Variants in SNTG1 observed in about 807,000 individuals in gnomAD.
SNTG1 encodes gamma-1-syntrophin.
SNTG1 carries 39 observed loss-of-function variants against 74.7 expected under a neutral mutation model. The ratio of observed to expected loss-of-function variants is 0.52; its 90% CI spans 0.40 to 0.68. SNTG1 has a LOEUF of 0.68. Ranked by LOEUF, SNTG1 falls within the 30% of genes least tolerant of loss-of-function variation. The probability of loss-of-function intolerance (pLI) is 0.00; values close to 1 mark genes in which losing one functional copy is unlikely to be tolerated. For missense variants in SNTG1, 685 were observed against 609.5 expected, an observed-to-expected ratio of 1.12 and a Z score of -1.30; for synonymous variants, 254 against 217.1, an observed-to-expected ratio of 1.17 and a Z score of -1.49.
At chr8:50,127,722 A>G (rs1374101828) in intron 1 of SNTG1, among the ~76,000 whole-genome samples, 2 of 152,212 alleles carry the variant, frequency 1.3e-5, no homozygotes, top group Non-Finnish European at 2.9e-5. Context: ...AACAGGATAT[A>G]TTTCCAAAGT....
chr8:50,690,583 T>C (rs1303277521), intron 15 of SNTG1, among the ~76,000 whole-genome samples: 1 of 152,212 alleles, frequency 6.6e-6, no homozygotes, highest in East Asian at 1.9e-4. Flanking sequence ...AATCCTGAGT[T>C]CTAGTTTGAT....
intron 2 of SNTG1, among the ~76,000 whole-genome samples, chr8:50,219,019 A>C (rs2084928353): frequency 6.6e-6 from 1 of 152,206 alleles, no homozygotes; most frequent in African/African-American, 2.4e-5. Flanking sequence ...GGAATCTCCC[A>C]CAGAAACAAT....
In SNTG1 at chr8:50,758,393, C is replaced by G. The variant is rs547696526; in HGVS notation, c.1395+6282C>G. Reference sequence around the variant, plus strand: ...TGTGCAGGTTTGTTATATAGGTATACACGTGCCATGGTGGTTTGCTGCATC... The same window carrying G: ...TGTGCAGGTTTGTTATATAGGTATAGACGTGCCATGGTGGTTTGCTGCATC... On this transcript the variant is annotated intron_variant, in intron 18 of 18. Coordinates refer to ENST00000642720, the MANE Select transcript of SNTG1 (RefSeq NM_018967.5). 2.3e-3 allele frequency among the ~76,000 whole-genome samples: 343 copies of G among 152,004 alleles called. 1 individual carries two copies. The highest frequency in any genetic ancestry group is 7.9e-3 in the African/African-American group (330 of 41,510).
chr8:49,911,684 C>T lies in SNTG1; in HGVS notation c.-650C>T, dbSNP rs578124743. On this transcript the variant is annotated 5_prime_UTR_variant, in exon 1 of 19. Transcript: ENST00000642720. ...ACCTGGACCTGCGCTTAGGGGCTCC[C>T]GTCCCCTTACTTCAGCACCAGAGGG... 2 of 152,418 alleles carry T rather than the reference C, an allele frequency of 1.3e-5. No individual in the cohort carries two copies. The highest frequency in any genetic ancestry group is 4.8e-5 in the African/African-American group (2 of 41,566). 9.4% of individuals were successfully genotyped at this position (152,418 alleles called of 1,614,324 possible).
chr8:50,494,078 A>G (rs1446766883), intron 8 of SNTG1, among the ~76,000 whole-genome samples: 1 of 151,604 alleles, frequency 6.6e-6, no homozygotes, highest in Non-Finnish European at 1.5e-5. Context: ...ACATCCTTTC[A>G]GAATCTTTAA....
chr8:50,775,363 AT>A (rs897192135), intron 18 of SNTG1, among the ~76,000 whole-genome samples: 97 of 151,678 alleles, frequency 6.4e-4, no homozygotes, highest in African/African-American at 2.3e-3. Context: ...AGTTCAATGT[AT>A]TTTTTTATTT....
intron 8 of SNTG1, among the ~76,000 whole-genome samples, chr8:50,494,147 A>T (rs1004582965): frequency 2.0e-5 from 3 of 151,658 alleles, no homozygotes; most frequent in Admixed American, 6.6e-5. Context: ...ACACATATAT[A>T]TATACACATA....
chr8:50,754,242 G>C (rs965039740), intron 18 of SNTG1, among the ~76,000 whole-genome samples: 1 of 151,882 alleles, frequency 6.6e-6, no homozygotes, highest in African/African-American at 2.4e-5. Context: ...GAAAATGTTT[G>C]TTTAGTTTTA....
chr8:50,087,089 G>T (rs546246470), intron 1 of SNTG1, among the ~76,000 whole-genome samples: 59 of 152,226 alleles, frequency 3.9e-4, no homozygotes, highest in African/African-American at 1.3e-3. Context: ...ACACCATTAT[G>T]TTCCAGATAG....
intron 2 of SNTG1, among the ~76,000 whole-genome samples, chr8:50,264,455 A>T (rs2087351087): frequency 6.6e-6 from 1 of 152,020 alleles, no homozygotes; most frequent in Non-Finnish European, 1.5e-5. Context: ...CTGTACTCCC[A>T]GCTACTCAGG....
rs569139137 is a variant in SNTG1 at position 50,435,372 on chromosome 8, T to G, written c.163-3171T>G. On this transcript the variant is annotated intron_variant, in intron 4 of 18. Transcript: ENST00000642720. ...TGCTTTGTTACCTGGCAACAGTCTT[T>G]ACGACACTCATGATGTGTTAACTAA... Among the ~76,000 whole-genome samples the G allele has an allele frequency of 2.0e-5, 3 of 152,342 alleles. No individual in the cohort carries two copies. The South Asian group carries it at 6.2e-4, about 32-fold the overall frequency.
intron 1 of SNTG1, among the ~76,000 whole-genome samples, chr8:50,112,163 A>T (rs1387917450): frequency 6.6e-6 from 1 of 152,188 alleles, no homozygotes; most frequent in Non-Finnish European, 1.5e-5. Flanking sequence ...TTTATTTCAG[A>T]ATATTATTAA....
At chr8:50,153,920 T>C (rs1451711042) in intron 1 of SNTG1, among the ~76,000 whole-genome samples, 1 of 152,140 alleles carries the variant, frequency 6.6e-6, no homozygotes, top group African/African-American at 2.4e-5. Context: ...ACCACTACTC[T>C]CTTTGAAGCT....
intron 2 of SNTG1, among the ~76,000 whole-genome samples, chr8:50,279,865 GTGGACTTCAATCAA>G (rs1406756862): frequency 6.6e-6 from 1 of 152,192 alleles, no homozygotes; most frequent in Non-Finnish European, 1.5e-5. Flanking sequence ...AGTCTGTTAT[GTGGACTTCAATCAA>G]TGCCTTCCCC....
intron 2 of SNTG1, among the ~76,000 whole-genome samples, chr8:50,382,825 G>T (rs2092511497): frequency 6.6e-6 from 1 of 152,044 alleles, no homozygotes; most frequent in African/African-American, 2.4e-5. Flanking sequence ...AAAGAAATTG[G>T]CTCATGCAAT....
intron 2 of SNTG1, among the ~76,000 whole-genome samples, chr8:50,262,218 A>T (rs1025685076): frequency 6.6e-6 from 1 of 152,224 alleles, no homozygotes; most frequent in East Asian, 1.9e-4. Context: ...TTAAATGTAA[A>T]TGTATAACAT....
intron 17 of SNTG1, among the ~76,000 whole-genome samples, chr8:50,732,664 A>G (rs1177191461): frequency 6.6e-6 from 1 of 152,054 alleles, no homozygotes; most frequent in Non-Finnish European, 1.5e-5. Flanking sequence ...GGCTTAAAAT[A>G]TATATTTAAA....
chr8:50,669,550 T>C (rs993333722), intron 15 of SNTG1, among the ~76,000 whole-genome samples: 6 of 152,082 alleles, frequency 3.9e-5, no homozygotes, highest in African/African-American at 1.4e-4. Context: ...CAATAATCAA[T>C]AGCTTACCAA....
chr8:50,767,817 A>T (rs1042321654), intron 18 of SNTG1, among the ~76,000 whole-genome samples: 6 of 152,010 alleles, frequency 3.9e-5, no homozygotes, highest in African/African-American at 1.4e-4. Context: ...TTAAATTATA[A>T]TTGGACTTAA....
Sources: allele counts gnomAD v4.1 joint callset (sites outside exome capture counted in the v4.1 genomes callset), GRCh38; gene constraint gnomAD v4.1.1; transcripts MANE v1.5; gene names NCBI Gene and HGNC (gene_info 2026-07-23, HGNC 2026-07-21).